Variants in S100A2 observed in about 807,000 individuals in gnomAD.
S100A2 encodes protein S100-A2.
A neutral mutation model predicts 4.3 loss-of-function variants in S100A2; 5 were observed. The ratio of observed to expected loss-of-function variants is 1.16; its 90% CI spans 0.61 to 2.44. The LOEUF (loss-of-function observed/expected upper bound fraction) is 2.44, where lower values mean the gene tolerates loss of function less well. S100A2 is among the 30% of genes most tolerant of loss of function. S100A2 has a pLI of 0.01. For synonymous variants in S100A2, 44 were observed against 46.0 expected (o/e 0.96, Z 0.17); for missense variants, 103 against 114.7 (o/e 0.90, Z 0.47).
In S100A2 at chr1:153,563,103, G is replaced by A. The variant is rs1355593392; in HGVS notation, c.144+631C>T. 2.6e-5 allele frequency among the ~76,000 whole-genome samples: 4 copies of A among 151,184 alleles called. No homozygotes were observed. In the South Asian group the frequency reaches 6.3e-4, roughly 24 times the overall value. ...AGCCTGACCAATATGATGAAACCCC[G>A]TCTCTACTAAAAATACAAAAATCAC... On this transcript the variant is annotated intron_variant, in intron 2 of 2. Transcript: ENST00000368708.
chr1:153,565,141 C>T (rs1665980280), intron 1 of S100A2, among the ~76,000 whole-genome samples: 1 of 151,882 alleles, frequency 6.6e-6, no homozygotes, highest in East Asian at 1.9e-4. Flanking sequence ...GAAACCCCAT[C>T]TCTACTAAAA....
At chr1:153,564,169 A>G (rs1440112926) in intron 1 of S100A2, 1 of 335,156 alleles carries the variant, frequency 3.0e-6, no homozygotes, top group Admixed American at 4.5e-5. Flanking sequence ...AGGGCTCCCC[A>G]TTTTAGTGTC....
rs151232868 is a variant in S100A2, at chr1:153,561,520, G to C, written c.216C>G (p.Asp72Glu). Residue 72 changes from aspartate (D) to glutamate (E), a missense_variant, in exon 3 of 3, where the codon GAC becomes GAG. Asp to Glu is a conservative substitution (Grantham distance 45). Transcript: ENST00000368708. ...CCAGGAAAACAGCATACTCCTGGAA[G>C]TCCACCTGCTGGTCACTGTTCTCAT... ...SLDENSDQQV[D>E]FQEYAVFLAL... 3.7e-6 allele frequency: 6 copies of C among 1,614,070 alleles called. No individual in the cohort carries two copies. The highest frequency in any genetic ancestry group is 5.1e-6 in the Non-Finnish European group (6 of 1,180,028).
chr1:153,561,716 AG>A lies in S100A2; in HGVS notation c.145-126del. The A allele has an allele frequency of 2.9e-6, 4 of 1,391,954 alleles. No homozygotes were observed. The South Asian group carries it at 4.8e-5, about 17-fold the overall frequency. 86.2% of individuals were successfully genotyped at this position (1,391,954 alleles called of 1,614,324 possible). On this transcript the variant is annotated intron_variant, in intron 2 of 2. Coordinates refer to ENST00000368708, the MANE Select transcript of S100A2 (RefSeq NM_005978.4). ...CCTCCCCACTGGGCAGCTGGGTATAAGGTGGGCAGGAGGCCCTGGGAGCTAC... is the reference window on the plus strand; with the variant it reads ...CCTCCCCACTGGGCAGCTGGGTATAAGTGGGCAGGAGGCCCTGGGAGCTAC...
chr1:153,565,254 G>A (rs2101707579), intron 1 of S100A2, among the ~76,000 whole-genome samples: 1 of 145,836 alleles, frequency 6.9e-6, no homozygotes, highest in South Asian at 2.2e-4. Context: ...GGAGTTTGCA[G>A]TGAGCTGAGA....
chr1:153,562,390 C>T (rs1314438233), intron 2 of S100A2, among the ~76,000 whole-genome samples: 1 of 152,164 alleles, frequency 6.6e-6, no homozygotes, highest in East Asian at 1.9e-4. Flanking sequence ...GATCCTCCTG[C>T]CTTAGCCTCC....
At chr1:153,563,619 G>A (rs2101706104) in intron 2 of S100A2, 115 bp downstream of exon 2, 3 of 1,567,128 alleles carry the variant, frequency 1.9e-6, no homozygotes, top group African/African-American at 2.7e-5. Context: ...AAGTGGGGAG[G>A]GGGCTGGGCC....
intron 2 of S100A2, among the ~76,000 whole-genome samples, chr1:153,562,969 C>CAAAAAAAA (rs35473116): frequency 1.1e-5 from 1 of 94,564 alleles, no homozygotes. Context: ...CCCCCCACCA[C>CAAAAAAAA]AAAAAAAAAA....
rs773436829 is a variant in S100A2, at chr1:153,563,735, C to G, written c.143G>C (p.Gly48Ala). 1 of 1,613,000 alleles carries G rather than the reference C, an allele frequency of 6.2e-7. No homozygotes were observed. Among genetic ancestry groups the G allele is most frequent in the South Asian group, 1.1e-5 (1 of 90,878 alleles). ...LLHKELPSFV[G>A]EKVDEEGLKK... ...CCCCCACAGGCCTGTGCCACTCACC[C>G]CCACAAAGCTGGGCAGCTCCTTGTG... The change falls in exon 2 of 3, where the codon GGG becomes GCG. Residue 48 changes from glycine to alanine, a missense_variant and splice_region_variant. Physicochemically the swap from Gly to Ala is moderately conservative, Grantham distance 60 (BLOSUM62 0). Transcript: ENST00000368708.
In S100A2 at chr1:153,561,195, AAATTG is replaced by A. The variant is rs1665886317; in HGVS notation, c.*239_*243del. On this transcript the variant is annotated 3_prime_UTR_variant, in exon 3 of 3. Transcript: ENST00000368708. ...TTTTTTGCTGGTGTTTGAAATTCCA[AAATTG>A]AGACCTAAAGCATAGCTCTGGCCTT... is the stretch of plus-strand genomic sequence containing the variant. 4 of 366,522 alleles carry A rather than the reference AAATTG, an allele frequency of 1.1e-5. No homozygotes were observed. The highest frequency in any genetic ancestry group is 1.9e-5 in the Non-Finnish European group (4 of 207,532). 22.7% of individuals were successfully genotyped at this position (366,522 alleles called of 1,614,324 possible).
chr1:153,561,901 T>C (rs1665903263), intron 2 of S100A2, among the ~76,000 whole-genome samples: 2 of 152,200 alleles, frequency 1.3e-5, no homozygotes, highest in African/African-American at 4.8e-5. Context: ...ATCACCCCAT[T>C]CTGCTGATGA....
chr1:153,565,205 G>T (rs983356560), intron 1 of S100A2, among the ~76,000 whole-genome samples: 1 of 151,572 alleles, frequency 6.6e-6, no homozygotes, highest in Admixed American at 6.6e-5. Context: ...CCAGCTACTC[G>T]GGAGGCTGAG....
Position 153,561,424 on chromosome 1 carries a change from G to C in S100A2, c.*15C>G. 1 of 1,607,646 alleles carries C rather than the reference G, an allele frequency of 6.2e-7. No individual in the cohort carries two copies. Among genetic ancestry groups the C allele is most frequent in the Non-Finnish European group, 8.5e-7 (1 of 1,174,768 alleles). ...GGGCCCAAGAGATCCATGGCAGGAA[G>C]TCAAGAGTTCTGCTTCAGGGTCGGT... On this transcript the variant is annotated 3_prime_UTR_variant, in exon 3 of 3. Coordinates refer to ENST00000368708, the MANE Select transcript of S100A2 (RefSeq NM_005978.4).
chr1:153,564,106 T>A, intron 1 of S100A2: 1 of 490,810 alleles, frequency 2.0e-6, no homozygotes, highest in South Asian at 3.5e-5. Context: ...TTCCCTTGTG[T>A]CTGGGAGTCA....
At chr1:153,563,170 G>A (rs919923632) in intron 2 of S100A2, among the ~76,000 whole-genome samples, 6 of 151,768 alleles carry the variant, frequency 4.0e-5, no homozygotes, top group South Asian at 2.1e-4. Context: ...TCAGGAGTTC[G>A]AGACCAGCCT....
At position 153,561,536 on chromosome 1, in the gene S100A2, C is replaced by G. The variant is rs1044202258; in HGVS notation, c.200G>C (p.Ser67Thr). 3 of 1,614,162 alleles carry G rather than the reference C, an allele frequency of 1.9e-6. No individual in the cohort carries two copies. Among genetic ancestry groups the G allele is most frequent in the South Asian group, 1.1e-5 (1 of 91,076 alleles). ...CTCCTGGAAGTCCACCTGCTGGTCA[C>G]TGTTCTCATCCAGGCTGCCCATCAG... ...KKLMGSLDEN[S>T]DQQVDFQEYA... Residue 67 changes from serine to threonine, a missense_variant, in exon 3 of 3, where the codon AGT (serine) becomes ACT (threonine). Ser to Thr is a moderately conservative substitution (Grantham distance 58, BLOSUM62 1). Coordinates refer to ENST00000368708, the MANE Select transcript of S100A2 (RefSeq NM_005978.4).
Position 153,561,550 on chromosome 1 carries a change from G to C in S100A2, c.186C>G (p.Ser62Arg). 1 of 1,614,088 alleles carries C rather than the reference G, an allele frequency of 6.2e-7. No individual in the cohort carries two copies. The highest frequency in any genetic ancestry group is 1.1e-5 in the South Asian group (1 of 91,066). ...CCTGCTGGTCACTGTTCTCATCCAG[G>C]CTGCCCATCAGCTTCTTCAGCCCCT... Reference protein sequence around the residue: ...DEEGLKKLMGSLDENSDQQVD... With the variant: ...DEEGLKKLMGRLDENSDQQVD... Residue 62 changes from serine (S) to arginine (R), a missense_variant, in exon 3 of 3, where the codon AGC becomes AGG. Physicochemically the swap from Ser to Arg is moderately radical, Grantham distance 110. Coordinates refer to ENST00000368708, the MANE Select transcript of S100A2 (RefSeq NM_005978.4).
intron 2 of S100A2, 84 bp from the exon 3 acceptor site, chr1:153,561,675 T>C: frequency 6.2e-7 from 1 of 1,603,898 alleles, no homozygotes; most frequent in Non-Finnish European, 8.5e-7. Flanking sequence ...CACATTCAGG[T>C]TGGTTCCCAG....
At chr1:153,563,391 A>G in intron 2 of S100A2, 1 of 1,522,582 alleles carries the variant, frequency 6.6e-7, no homozygotes, top group Non-Finnish European at 8.8e-7. Context: ...AAAAAAGAAA[A>G]GAAAAGAGAG....
Sources: gnomAD v4.1 joint callset for allele counts (sites outside exome capture counted in the v4.1 genomes callset) on GRCh38, gnomAD v4.1.1 for gene constraint, MANE v1.5 for transcripts, NCBI Gene and HGNC (gene_info 2026-07-23, HGNC 2026-07-21) for gene names.